Variants in FLII observed in about 807,000 individuals in gnomAD.
FLII encodes protein flightless-1 homolog.
Under a neutral mutation model 156.2 loss-of-function variants are expected in FLII, and 101 were observed. That is an observed-to-expected ratio of 0.65 (90% CI 0.55 to 0.76). The LOEUF is 0.76. FLII is among the 30% of genes least tolerant of loss of function. The probability of loss-of-function intolerance (pLI) is 0.00; values close to 1 mark genes in which losing one functional copy is unlikely to be tolerated. For missense variants in FLII, 1,675 were observed against 1,682.8 expected, an observed-to-expected ratio of 1.00 and a Z score of 0.08; for synonymous variants, 767 against 685.8, an observed-to-expected ratio of 1.12 and a Z score of -1.85.
rs2048239134 is a variant in FLII, at chr17:18,250,821, T to G, written c.1776+17A>C. ...GGAACCCCACTCTGCCCACCCCCAATTTTAACGGGCTGGCACCTGCAGGAA... is the reference window on the plus strand; with the variant it reads ...GGAACCCCACTCTGCCCACCCCCAAGTTTAACGGGCTGGCACCTGCAGGAA... On this transcript the variant is annotated intron_variant, in intron 14 of 29. Coordinates refer to ENST00000327031, the MANE Select transcript of FLII (RefSeq NM_002018.4). 1.2e-6 allele frequency: 2 copies of G among 1,600,306 alleles called. No homozygotes were observed. Among genetic ancestry groups the G allele is most frequent in the East Asian group, 4.5e-5 (2 of 44,580 alleles).
rs768546237 is a variant in FLII at position 18,254,743 on chromosome 17, C to T, written c.413+26G>A. 2.5e-6 allele frequency: 4 copies of T among 1,613,348 alleles called. No individual in the cohort carries two copies. The African/African-American group carries it at 4.0e-5, about 16-fold the overall frequency. ...CCAGCCACCCCACAGGGCCCACCTG[C>T]CCCCTGCCCCCCACTGGCCTGGCAC... On this transcript the variant is annotated intron_variant, in intron 5 of 29. Coordinates refer to ENST00000327031, the MANE Select transcript of FLII (RefSeq NM_002018.4).
In FLII at chr17:18,245,609, A is replaced by G; in HGVS notation, c.3555T>C (p.Phe1185=). ...YFAVTEKCSD[F]CQDDLADDDI... ...CATCATCTGCCAGGTCATCTTGGCAAAAGTCGGAGCATTTCTCAGTCACTG... is the reference window on the plus strand; with the variant it reads ...CATCATCTGCCAGGTCATCTTGGCAGAAGTCGGAGCATTTCTCAGTCACTG... Residue 1185 remains phenylalanine (F), a synonymous_variant, in exon 28 of 30, where the codon TTT becomes TTC. Transcript: ENST00000327031. 1 of 1,613,976 alleles carries G rather than the reference A, an allele frequency of 6.2e-7. No homozygotes were observed. The highest frequency in any genetic ancestry group is 8.5e-7 in the Non-Finnish European group (1 of 1,180,010).
intron 9 of FLII, 119 bp downstream of exon 9, chr17:18,253,182 G>T: frequency 1.0e-6 from 1 of 988,834 alleles, no homozygotes; most frequent in Non-Finnish European, 1.5e-6. Flanking sequence ...GAAAAGAAAA[G>T]GTGAATTAAC....
chr17:18,256,092 A>C (rs1277012084), intron 3 of FLII, among the ~76,000 whole-genome samples: 1 of 152,078 alleles, frequency 6.6e-6, no homozygotes, highest in Non-Finnish European at 1.5e-5. Flanking sequence ...CTCCCGGCCA[A>C]ACCCCACTCA....
intron 2 of FLII, 90 bp from the exon 3 acceptor site, chr17:18,256,687 G>C: frequency 8.2e-7 from 1 of 1,215,808 alleles, no homozygotes; most frequent in South Asian, 1.3e-5. Flanking sequence ...CATCCAGGAA[G>C]GCCTCAGCCA....
rs1350454134 is a variant in FLII at position 18,249,306 on chromosome 17, C to A, written c.1859+20G>T. ...CAGCAGACTCCAGGTCCATACCCCC[C>A]ACTGCCCACACACCCTCACCTGGTG... is the stretch of plus-strand genomic sequence containing the variant. On this transcript the variant is annotated intron_variant, in intron 15 of 29. Coordinates refer to ENST00000327031, the MANE Select transcript of FLII (RefSeq NM_002018.4). 3 of 1,613,084 alleles carry A rather than the reference C, an allele frequency of 1.9e-6. No homozygotes were observed. The highest frequency in any genetic ancestry group is 1.3e-5 in the African/African-American group (1 of 74,924).
rs1412513172 is a variant in FLII at position 18,248,640 on chromosome 17, T to C, written c.2100A>G (p.Pro700=). The C allele has an allele frequency of 5.6e-6, 9 of 1,613,872 alleles. No homozygotes were observed. The Admixed American group carries it at 1.3e-4, about 24-fold the overall frequency. ...ITLLVQGQEL[P]EFWEALGGEP... ...CCCCACCCAGTGCCTCCCAGAACTC[T>C]GGGAGCTCCTGGCCCTGCACCAGCA... The change falls in exon 18 of 30, where the codon CCA becomes CCG. Residue 700 remains proline (P), a synonymous_variant. Transcript: ENST00000327031.
In FLII at chr17:18,248,043, A is replaced by G. The variant is rs961941770; in HGVS notation, c.2191-10T>C. On this transcript the variant is annotated splice_polypyrimidine_tract_variant and intron_variant, in intron 18 of 29. Transcript: ENST00000327031. ...CCAAGCCCAGGCCCACCTGGCAGGA[A>G]GGATGAGCATGGCAGGGAAGGGATC... is the stretch of plus-strand genomic sequence containing the variant. 9 of 1,595,218 alleles carry G rather than the reference A, an allele frequency of 5.6e-6. No individual in the cohort carries two copies. The highest frequency in any genetic ancestry group is 6.9e-6 in the Non-Finnish European group (8 of 1,163,854).
rs774800032 is a variant in FLII at position 18,252,482 on chromosome 17, G to T, written c.1088C>A (p.Thr363Lys). 1 of 1,613,496 alleles carries T rather than the reference G, an allele frequency of 6.2e-7. No homozygotes were observed. Among genetic ancestry groups the T allele is most frequent in the East Asian group, 2.2e-5 (1 of 44,892 alleles). The change falls in exon 10 of 30, where the codon ACG becomes AAG. Residue 363 changes from threonine to lysine, a missense_variant. Physicochemically the swap from Thr to Lys is moderately conservative, Grantham distance 78. Coordinates refer to ENST00000327031, the MANE Select transcript of FLII (RefSeq NM_002018.4). ...VTLPEAIHFL[T>K]EIEVLDVREN... is the part of the protein sequence containing the mutation. ...CCCAGCATGCCTGACCTCGATCTCCGTCAGGAAATGGATGGCTTCTGGGAG... is the reference window on the plus strand; with the variant it reads ...CCCAGCATGCCTGACCTCGATCTCCTTCAGGAAATGGATGGCTTCTGGGAG...
chr17:18,258,762 G>A (rs2142888289), upstream of FLII: 2 of 1,125,338 alleles, frequency 1.8e-6, no homozygotes, highest in East Asian at 7.0e-5. This position sits in a 1 kb window ranked among gnomAD's most constrained non-coding sequence, Gnocchi z 4.2. Context: ...GGAGCCGCGG[G>A]CTGGGCCAGC....
Position 18,245,105 on chromosome 17 carries a change from T to C in FLII, c.*33A>G. ...GACAGTGGATGAGGCCCCTTCCTCT[T>C]CCTCACCAAGCCTGGGGCTGTGCCA... On this transcript the variant is annotated 3_prime_UTR_variant, in exon 30 of 30. Transcript: ENST00000327031. The C allele has an allele frequency of 6.3e-7, 1 of 1,589,254 alleles. No individual in the cohort carries two copies. Among genetic ancestry groups the C allele is most frequent in the Admixed American group, 1.7e-5 (1 of 57,392 alleles).
intron 2 of FLII, 101 bp from the exon 3 acceptor site, chr17:18,256,698 C>T: frequency 3.7e-6 from 4 of 1,091,494 alleles, no homozygotes; most frequent in Non-Finnish European, 4.1e-6. Flanking sequence ...GCCTCAGCCA[C>T]ACTGGCCCAA....
intron 6 of FLII, 151 bp from the exon 7 acceptor site, chr17:18,254,333 G>T: frequency 1.2e-6 from 1 of 815,748 alleles, no homozygotes; most frequent in Non-Finnish European, 1.9e-6. Context: ...TGGTTGCGGG[G>T]TGTGTAAGCG....
At position 18,256,589 on chromosome 17, in the gene FLII, C is replaced by G; in HGVS notation, c.183G>C (p.Leu61Phe). Residue 61 changes from leucine (L) to phenylalanine (F), a missense_variant, in exon 3 of 30, where the codon TTG becomes TTC. Physicochemically the swap from Leu to Phe is conservative, Grantham distance 22. This residue lies in a region of FLII where 343 missense variants were observed against 413.5 expected (regional missense o/e 0.83). Coordinates refer to ENST00000327031, the MANE Select transcript of FLII (RefSeq NM_002018.4). ...ELAALQKLEHLSVSHNNLTTL... is the reference protein window; with the variant it reads ...ELAALQKLEHFSVSHNNLTTL... ...TGGTCAGGTTGTTGTGGCTCACAGA[C>G]AAGTGTTCCTGGGCCGGAATGGGGA... The G allele has an allele frequency of 6.4e-7, 1 of 1,551,638 alleles. No homozygotes were observed.
At chr17:18,256,728 C>T (rs1248663067) in intron 2 of FLII, 131 bp from the exon 3 acceptor site, 7 of 841,262 alleles carry the variant, frequency 8.3e-6, no homozygotes, top group African/African-American at 1.7e-5. Flanking sequence ...CAGCTTCCCT[C>T]CCTCACTCAC....
intron 9 of FLII, 141 bp downstream of exon 9, chr17:18,253,160 A>C: frequency 3.5e-6 from 3 of 866,808 alleles, no homozygotes. Context: ...AAAAACAAAA[A>C]AGAAAAGAAA....
At chr17:18,250,386 C>T (rs2048222275) in intron 14 of FLII, among the ~76,000 whole-genome samples, 1 of 152,108 alleles carries the variant, frequency 6.6e-6, no homozygotes. Context: ...AACCAGCTGG[C>T]GGCTAACACT....
At position 18,249,926 on chromosome 17, in the gene FLII, C is replaced by T. The variant is rs201961956; in HGVS notation, c.1777-518G>A. On this transcript the variant is annotated intron_variant, in intron 14 of 29. Transcript: ENST00000327031. ...CTAAGGTCAGGAGTTCGAGACCAGC[C>T]TGGCCAACATGGCAAAACCCCATCA... Among the ~76,000 whole-genome samples the T allele has an allele frequency of 3.3e-5, 5 of 151,970 alleles. No individual in the cohort carries two copies. In the East Asian group the frequency reaches 9.7e-4, roughly 29 times the overall value.
In FLII at chr17:18,258,681, T is replaced by C. The variant is rs2048505054; in HGVS notation, c.10A>G (p.Thr4Ala). The change falls in exon 1 of 30, where the codon ACC becomes GCC. Residue 4 changes from threonine to alanine, a missense_variant. By Grantham distance (58) the Thr-to-Ala change is moderately conservative (BLOSUM62 0). Coordinates refer to ENST00000327031, the MANE Select transcript of FLII (RefSeq NM_002018.4). This position sits in a 1 kb window ranked among gnomAD's most constrained non-coding sequence, Gnocchi z 4.2. The stretch of plus-strand genomic sequence containing the variant: ...CCACGCACGAACGGCAGCACCCCGG[T>C]GGCCTCCATGGCGCCGCTCTCGCTG... MEA[T>A]GVLPFVRGVD... The C allele has an allele frequency of 6.6e-7, 1 of 1,516,944 alleles. No individual in the cohort carries two copies. The highest frequency in any genetic ancestry group is 8.8e-7 in the Non-Finnish European group (1 of 1,141,084). The allele number at this position is 1,516,944 out of a possible 1,614,324, so 94.0% of individuals were successfully genotyped here.
Sources: allele counts gnomAD v4.1 joint callset (sites outside exome capture counted in the v4.1 genomes callset), GRCh38; gene constraint gnomAD v4.1.1; regional missense constraint gnomAD v4.1.1; non-coding constraint Gnocchi (gnomAD v3.1); transcripts MANE v1.5; gene names NCBI Gene and HGNC (gene_info 2026-07-23, HGNC 2026-07-21).